CPLX1: variants seen among roughly 807,000 people sequenced by gnomAD.
The protein encoded by CPLX1 is complexin-1.
CPLX1 carries 6 observed loss-of-function variants against 15.6 expected under a neutral mutation model. The ratio of observed to expected loss-of-function variants is 0.39; its 90% CI spans 0.21 to 0.76. CPLX1 has a LOEUF of 0.76. Among genes scored for constraint, CPLX1 ranks in the 30% least tolerant of loss-of-function variants. CPLX1 has a pLI of 0.43. For synonymous variants in CPLX1, 91 were observed against 75.2 expected, an observed-to-expected ratio of 1.21 and a Z score of -1.08; for missense variants, 242 against 188.6, an observed-to-expected ratio of 1.28 and a Z score of -1.66.
intron 2 of CPLX1, among the ~76,000 whole-genome samples, chr4:793,498 T>C (rs979595364): frequency 6.6e-6 from 1 of 152,218 alleles, no homozygotes; most frequent in African/African-American, 2.4e-5. Flanking sequence ...TTACGGGCTC[T>C]GAATACAGCA....
In CPLX1 at chr4:786,158, G is replaced by T. The variant is rs1176289342; in HGVS notation, c.*343C>A. ...GCTCCTGAGTGCGGGCCCGACAGGC[G>T]CCCACCGCCGCGAACGCGCGCACAG... On this transcript the variant is annotated 3_prime_UTR_variant, in exon 4 of 4. Coordinates refer to ENST00000304062, the MANE Select transcript of CPLX1 (RefSeq NM_006651.4). The T allele has an allele frequency of 1.7e-5, 3 of 177,924 alleles. No individual in the cohort carries two copies. The highest frequency in any genetic ancestry group is 3.5e-5 in the Non-Finnish European group (3 of 85,466). The allele number at this position is 177,924 out of a possible 1,614,324, so 11.0% of individuals were successfully genotyped here. A position where few individuals can be genotyped will look rare whatever the true frequency, so the allele number is the denominator to read the frequency against.
At chr4:816,597 C>G (rs1388034677) in intron 2 of CPLX1, among the ~76,000 whole-genome samples, 3 of 152,044 alleles carry the variant, frequency 2.0e-5, no homozygotes, top group Non-Finnish European at 2.9e-5. Flanking sequence ...TCTCATATCA[C>G]TTCTTTATAC....
rs1382058629 is a variant in CPLX1, at chr4:785,758, C to T, written c.*743G>A. 1.3e-5 allele frequency: 2 copies of T among 152,386 alleles called. No homozygotes were observed. Among genetic ancestry groups the T allele is most frequent in the African/African-American group, 2.4e-5 (1 of 41,442 alleles). The allele number at this position is 152,386 out of a possible 1,614,324, so 9.4% of individuals were successfully genotyped here. ...TTCAATGGCCGAGGGCAGGGGTCCT[C>T]CCCAGGGAGAAGCAGCAGCCGCGTG... is the stretch of plus-strand genomic sequence containing the variant. On this transcript the variant is annotated 3_prime_UTR_variant, in exon 4 of 4. Coordinates refer to ENST00000304062, the MANE Select transcript of CPLX1 (RefSeq NM_006651.4).
intron 2 of CPLX1, among the ~76,000 whole-genome samples, chr4:794,411 ACTC>A (rs1746273591): frequency 6.6e-6 from 1 of 151,868 alleles, no homozygotes; most frequent in African/African-American, 2.4e-5. Context: ...ACAGATCTGG[ACTC>A]CTCAACAGAA....
intron 2 of CPLX1, among the ~76,000 whole-genome samples, chr4:813,735 C>A (rs28685840): frequency 0.42 from 64,266 of 151,898 alleles, 13,764 homozygotes; most frequent in Middle Eastern, 0.51. Context: ...ACCATCCAGC[C>A]ACACAGAATC....
At chr4:820,899 C>T (rs888438854) in intron 2 of CPLX1, among the ~76,000 whole-genome samples, 1 of 152,186 alleles carries the variant, frequency 6.6e-6, no homozygotes, top group African/African-American at 2.4e-5. Context: ...AGCCCAGCCC[C>T]ACGGGGGCGC....
At chr4:824,409 C>T (rs1248954555) in intron 2 of CPLX1, 83 bp downstream of exon 2, 5 of 1,265,352 alleles carry the variant, frequency 4.0e-6, no homozygotes, top group East Asian at 4.6e-5. Context: ...GGCGCTGCTG[C>T]GGTGGGCCAG....
chr4:810,700 CT>C (rs535814622), intron 2 of CPLX1, among the ~76,000 whole-genome samples: 149 of 144,638 alleles, frequency 1.0e-3, no homozygotes, highest in South Asian at 2.0e-3. Flanking sequence ...TTTTCTTTTT[CT>C]TTTTTTTTTT....
intron 2 of CPLX1, among the ~76,000 whole-genome samples, chr4:822,419 C>T (rs1576999714): frequency 6.6e-6 from 1 of 152,098 alleles, no homozygotes; most frequent in East Asian, 1.9e-4. Flanking sequence ...CCCTCTTTCT[C>T]TCTCTCCCCT....
At chr4:808,240 A>G (rs907628562) in intron 2 of CPLX1, among the ~76,000 whole-genome samples, 1 of 142,420 alleles carries the variant, frequency 7.0e-6, no homozygotes, top group South Asian at 2.1e-4. Flanking sequence ...CAATAAATAC[A>G]TAAATAAATA....
rs889814143 is a variant in CPLX1 at position 824,591 on chromosome 4, G to A, written c.-69C>T. ...CTCACACGCAAGTATGGCCGGGAGC[G>A]AGTGTTCTTCCTGGGGGAGAGTGAA... On this transcript the variant is annotated 5_prime_UTR_variant, in exon 2 of 4. Coordinates refer to ENST00000304062, the MANE Select transcript of CPLX1 (RefSeq NM_006651.4). 1.3e-6 allele frequency: 2 copies of A among 1,550,316 alleles called. No individual in the cohort carries two copies. The highest frequency in any genetic ancestry group is 2.2e-5 in the East Asian group (1 of 44,620).
At chr4:794,476 G>A (rs1577472180) in intron 2 of CPLX1, among the ~76,000 whole-genome samples, 1 of 152,338 alleles carries the variant, frequency 6.6e-6, no homozygotes, top group Non-Finnish European at 1.5e-5. Context: ...GTTTTGCAAA[G>A]CAGATTTTAG....
rs1745986703 is a variant in CPLX1 at position 786,343 on chromosome 4, T to C, written c.*158A>G. 1 of 727,420 alleles carries C rather than the reference T, an allele frequency of 1.4e-6. No individual in the cohort carries two copies. Among genetic ancestry groups the C allele is most frequent in the Admixed American group, 3.8e-5 (1 of 26,462 alleles). 45.1% of individuals were successfully genotyped at this position (727,420 alleles called of 1,614,324 possible). A position where few individuals can be genotyped will look rare whatever the true frequency, so the allele number is the denominator to read the frequency against. ...GGGGGGTCCTGGGGGCGCGCGCCCC[T>C]TGCCGGGTGAGGGAGGCGGCGGGCG... is the stretch of plus-strand genomic sequence containing the variant. On this transcript the variant is annotated 3_prime_UTR_variant, in exon 4 of 4. Coordinates refer to ENST00000304062, the MANE Select transcript of CPLX1 (RefSeq NM_006651.4).
intron 2 of CPLX1, among the ~76,000 whole-genome samples, chr4:805,124 C>T (rs1017995351): frequency 1.1e-4 from 17 of 152,194 alleles, no homozygotes; most frequent in African/African-American, 3.4e-4. Flanking sequence ...CAGGGAAGCC[C>T]GGGGCCTGGA....
intron 2 of CPLX1, among the ~76,000 whole-genome samples, chr4:809,855 A>G (rs1209906505): frequency 1.3e-5 from 2 of 150,674 alleles, no homozygotes; most frequent in African/African-American, 4.9e-5. Flanking sequence ...AATACGTGGT[A>G]TCTGCAGCAG....
intron 3 of CPLX1, among the ~76,000 whole-genome samples, chr4:791,730 G>A (rs1746181050): frequency 6.6e-6 from 1 of 152,182 alleles, no homozygotes; most frequent in Non-Finnish European, 1.5e-5. Context: ...CCCTACCCTC[G>A]GGGCCAGGGC....
intron 2 of CPLX1, among the ~76,000 whole-genome samples, chr4:809,660 G>A (rs1276909554): frequency 6.6e-6 from 1 of 152,196 alleles, no homozygotes; most frequent in African/African-American, 2.4e-5. Context: ...CATACCCTAA[G>A]TCTGTTTTGA....
chr4:791,437 G>A (rs1186224330), intron 3 of CPLX1, among the ~76,000 whole-genome samples: 1 of 152,126 alleles, frequency 6.6e-6, no homozygotes, highest in Non-Finnish European at 1.5e-5. Context: ...GGCTGCATGT[G>A]CCGCACCTGC....
intron 2 of CPLX1, among the ~76,000 whole-genome samples, chr4:817,349 T>C (rs1576997551): frequency 6.8e-6 from 1 of 146,996 alleles, no homozygotes; most frequent in Admixed American, 6.8e-5. Context: ...GGTTCAGGAG[T>C]TCGAGACCAG....
Sources: gnomAD v4.1 joint callset for allele counts (sites outside exome capture counted in the v4.1 genomes callset) on GRCh38, gnomAD v4.1.1 for gene constraint, MANE v1.5 for transcripts, NCBI Gene and HGNC (gene_info 2026-07-23, HGNC 2026-07-21) for gene names.